AHCYL2: variants seen among roughly 807,000 people sequenced by gnomAD.
AHCYL2 encodes the protein adenosylhomocysteinase like 2, also known as S-adenosylhomocysteine hydrolase-like protein 2.
A neutral mutation model predicts 81.4 loss-of-function variants in AHCYL2; 28 were observed. The ratio of observed to expected loss-of-function variants is 0.34; its 90% confidence interval spans 0.25 to 0.47. The LOEUF (loss-of-function observed/expected upper bound fraction) is 0.47, where lower values mean the gene tolerates loss of function less well. AHCYL2 is among the 20% of genes least tolerant of loss of function. AHCYL2 has a pLI of 1.00. For missense variants in AHCYL2, 551 were observed against 785.1 expected (o/e 0.70, Z 3.56); for synonymous variants, 272 against 290.2 (o/e 0.94, Z 0.64).
intron 1 of AHCYL2, among the ~76,000 whole-genome samples, chr7:129,334,804 T>C (rs1798537564): frequency 6.6e-6 from 1 of 152,186 alleles, no homozygotes; most frequent in South Asian, 2.1e-4. Flanking sequence ...GGGTGATTGA[T>C]TAATATCATT....
intron 1 of AHCYL2, among the ~76,000 whole-genome samples, chr7:129,229,939 CTT>C (rs1171579008): frequency 6.6e-6 from 1 of 152,130 alleles, no homozygotes; most frequent in Non-Finnish European, 1.5e-5. Flanking sequence ...TCAGCTAACA[CTT>C]TTTCCCTATT....
intron 1 of AHCYL2, among the ~76,000 whole-genome samples, chr7:129,353,523 G>T (rs1233725913): frequency 2.0e-5 from 3 of 151,416 alleles, no homozygotes; most frequent in African/African-American, 7.3e-5. Context: ...GTCATTTCCT[G>T]TATAACAGCA....
At chr7:129,363,002 G>C (rs1402227822) in intron 1 of AHCYL2, among the ~76,000 whole-genome samples, 1 of 152,058 alleles carries the variant, frequency 6.6e-6, no homozygotes, top group Non-Finnish European at 1.5e-5. Context: ...TCATCCGGCA[G>C]GCCATATGCC....
chr7:129,327,908 C>T (rs1382340726), intron 1 of AHCYL2, among the ~76,000 whole-genome samples: 1 of 152,150 alleles, frequency 6.6e-6, no homozygotes, highest in Non-Finnish European at 1.5e-5. Flanking sequence ...ATCCTCCTGA[C>T]TCAGCCTCCC....
intron 1 of AHCYL2, among the ~76,000 whole-genome samples, chr7:129,280,760 G>A (rs1796410017): frequency 6.6e-6 from 1 of 151,228 alleles, no homozygotes; most frequent in Non-Finnish European, 1.5e-5. Context: ...TTTTCTGACA[G>A]TTTTCATCAG....
At chr7:129,386,900 A>T (rs1013233408) in intron 2 of AHCYL2, among the ~76,000 whole-genome samples, 12 of 152,206 alleles carry the variant, frequency 7.9e-5, no homozygotes, top group African/African-American at 2.9e-4. Flanking sequence ...TTCTTTTCCC[A>T]TTCAAAATCT....
intron 1 of AHCYL2, among the ~76,000 whole-genome samples, chr7:129,255,805 A>C (rs1198838231): frequency 1.3e-5 from 2 of 152,124 alleles, no homozygotes; most frequent in Non-Finnish European, 2.9e-5. Context: ...CTCTACTAAA[A>C]AAAATACAAA....
At chr7:129,339,990 C>G (rs1377117946) in intron 1 of AHCYL2, among the ~76,000 whole-genome samples, 1 of 136,820 alleles carries the variant, frequency 7.3e-6, no homozygotes, top group Non-Finnish European at 1.5e-5. Flanking sequence ...GTGATCTCGG[C>G]TCACTGCAAG....
chr7:129,281,945 G>C (rs2150740667), intron 1 of AHCYL2, among the ~76,000 whole-genome samples: 1 of 152,272 alleles, frequency 6.6e-6, no homozygotes, highest in East Asian at 1.9e-4. Flanking sequence ...CATTCAGTTA[G>C]AAACACTTCC....
chr7:129,275,153 C>T (rs544240709), intron 1 of AHCYL2, among the ~76,000 whole-genome samples: 57 of 152,210 alleles, frequency 3.7e-4, no homozygotes, highest in African/African-American at 1.1e-3. Flanking sequence ...GAGGCTGAGG[C>T]GGGTGGGTCA....
intron 1 of AHCYL2, among the ~76,000 whole-genome samples, chr7:129,259,102 A>C (rs1187358287): frequency 6.6e-6 from 1 of 152,176 alleles, no homozygotes; most frequent in Non-Finnish European, 1.5e-5. Flanking sequence ...CATTCACATT[A>C]AGACCTCTTC....
At chr7:129,417,888 G>T (rs967127345) in intron 12 of AHCYL2, among the ~76,000 whole-genome samples, 3 of 152,184 alleles carry the variant, frequency 2.0e-5, no homozygotes, top group Admixed American at 1.3e-4. Flanking sequence ...AAATAATAAA[G>T]AAATAGATTG....
At chr7:129,349,793 G>C (rs1266746263) in intron 1 of AHCYL2, among the ~76,000 whole-genome samples, 1 of 151,974 alleles carries the variant, frequency 6.6e-6, no homozygotes, top group Non-Finnish European at 1.5e-5. Context: ...TGACATCTCT[G>C]TAAAACCTCT....
intron 10 of AHCYL2, among the ~76,000 whole-genome samples, chr7:129,407,660 A>T (rs2150943045): frequency 6.6e-6 from 1 of 152,320 alleles, no homozygotes; most frequent in African/African-American, 2.4e-5. Context: ...TATCCTGTAG[A>T]CACGAATTGA....
At chr7:129,245,523 C>T (rs188694916) in intron 1 of AHCYL2, among the ~76,000 whole-genome samples, 28 of 152,278 alleles carry the variant, frequency 1.8e-4, no homozygotes, top group Non-Finnish European at 3.2e-4. Flanking sequence ...CTTCCTCCCC[C>T]AGCCCCTGGA....
intron 12 of AHCYL2, among the ~76,000 whole-genome samples, chr7:129,421,951 T>G (rs896708419): frequency 6.6e-6 from 1 of 152,242 alleles, no homozygotes; most frequent in African/African-American, 2.4e-5. Context: ...GCGTTTCTTT[T>G]TATTTGTCTA....
chr7:129,305,002 C>T (rs1797385350), intron 1 of AHCYL2, among the ~76,000 whole-genome samples: 1 of 150,550 alleles, frequency 6.6e-6, no homozygotes, highest in Non-Finnish European at 1.5e-5. Flanking sequence ...ATGTGATTTT[C>T]TCTGGTGGTA....
chr7:129,405,034 A>G (rs983941901), intron 7 of AHCYL2, 63 bp from the exon 8 acceptor site: 9 of 1,082,432 alleles, frequency 8.3e-6, no homozygotes, highest in South Asian at 3.4e-5. Context: ...GGGGCCTCCT[A>G]TGAAAGCAAT....
Position 129,288,524 on chromosome 7 carries a change from T to C in AHCYL2, c.363+63085T>C, listed in dbSNP as rs962225771. On this transcript the variant is annotated intron_variant, in intron 1 of 16. Coordinates refer to ENST00000325006, the MANE Select transcript of AHCYL2 (RefSeq NM_015328.4). ...ACAGAGGCCCGCCACCACGCCTGGC[T>C]AATTCTTGTGTTTTTAGTAGAGACA... is the stretch of plus-strand genomic sequence containing the variant. 7.9e-5 allele frequency among the ~76,000 whole-genome samples: 12 copies of C among 152,034 alleles called. No individual in the cohort carries two copies. The South Asian group carries it at 1.9e-3, about 24-fold the overall frequency.
Sources: allele counts gnomAD v4.1 joint callset (sites outside exome capture counted in the v4.1 genomes callset), GRCh38; gene constraint gnomAD v4.1.1; transcripts MANE v1.5; gene names NCBI Gene and HGNC (gene_info 2026-07-23, HGNC 2026-07-21).